The following CCDC169 variants were observed in gnomAD, a reference collection of about 807,000 sequenced individuals.
The protein encoded by CCDC169 is coiled-coil domain containing 169.
In CCDC169, 30 loss-of-function variants were observed where a neutral mutation model predicts 36.0. The ratio of observed to expected loss-of-function variants is 0.83; its 90% CI spans 0.62 to 1.13. The LOEUF is 1.13. CCDC169 is among the 50% of genes most tolerant of loss of function. CCDC169 has a pLI of 0.00. For synonymous variants in CCDC169, 85 were observed against 81.5 expected (o/e 1.04, Z -0.23); for missense variants, 245 against 245.9 (o/e 1.00, Z 0.03).
chr13:36,294,368 T>C (rs1267801851), intron 2 of CCDC169, among the ~76,000 whole-genome samples: 1 of 152,170 alleles, frequency 6.6e-6, no homozygotes, highest in Non-Finnish European at 1.5e-5. Context: ...ACTTGATAAG[T>C]ACACTGAGAG....
At chr13:36,250,882 A>G (rs1873064956) in intron 6 of CCDC169, among the ~76,000 whole-genome samples, 2 of 152,230 alleles carry the variant, frequency 1.3e-5, no homozygotes, top group Non-Finnish European at 2.9e-5. Context: ...GAACTTCCCG[A>G]TAATGAAACA....
chr13:36,246,721 T>C (rs978750), intron 7 of CCDC169, among the ~76,000 whole-genome samples: 61,379 of 151,814 alleles, frequency 0.4, 13,138 homozygotes, highest in Non-Finnish European at 0.48. Flanking sequence ...CTGATGAAGG[T>C]GATTACACTA....
At chr13:36,246,850 C>T (rs182354691) in intron 7 of CCDC169, among the ~76,000 whole-genome samples, 3 of 152,166 alleles carry the variant, frequency 2.0e-5, no homozygotes, top group Non-Finnish European at 2.9e-5. Context: ...TCTGGAGATA[C>T]CCCTATCTCA....
intron 2 of CCDC169, among the ~76,000 whole-genome samples, chr13:36,285,632 T>C (rs1168053627): frequency 1.4e-5 from 2 of 146,726 alleles, no homozygotes; most frequent in African/African-American, 4.9e-5. Flanking sequence ...CATAGATACA[T>C]AGATACATAG....
chr13:36,287,174 C>G (rs1055505258), intron 2 of CCDC169, among the ~76,000 whole-genome samples: 3 of 148,770 alleles, frequency 2.0e-5, no homozygotes, highest in Non-Finnish European at 4.5e-5. Flanking sequence ...CTTCCCTCTT[C>G]CCCTCTTTTC....
intron 7 of CCDC169, among the ~76,000 whole-genome samples, chr13:36,241,303 A>G (rs1871789059): frequency 6.6e-6 from 1 of 152,238 alleles, no homozygotes; most frequent in Non-Finnish European, 1.5e-5. Flanking sequence ...TCCATAAATT[A>G]TAATAAAGCA....
At chr13:36,280,682 C>A in intron 4 of CCDC169, 1 of 152,070 alleles carries the variant, frequency 6.6e-6, no homozygotes, top group Non-Finnish European at 1.5e-5. Flanking sequence ...TGTATGCATA[C>A]AAAAATTACT....
intron 4 of CCDC169, among the ~76,000 whole-genome samples, chr13:36,259,479 TTAAG>T (rs1478966621): frequency 2.0e-5 from 3 of 152,182 alleles, no homozygotes; most frequent in South Asian, 2.1e-4. Context: ...TGAAGCAGGC[TTAAG>T]TAAGTGGCTC....
chr13:36,283,686 G>A lies in CCDC169; in HGVS notation c.180C>T (p.Thr60=). ...TTAATTCAAGTTGTGTCTCATAACG[G>A]GTTTTCCATTCACTACCTGAGTAAA... is the stretch of plus-strand genomic sequence containing the variant. ...NTDNEGSEWK[T]RYETQLELND... Residue 60 remains threonine (T), a synonymous_variant, in exon 3 of 8, where the codon ACC becomes ACT. Transcript: ENST00000239859. The A allele has an allele frequency of 1.3e-6, 2 of 1,550,610 alleles. No homozygotes were observed. The highest frequency in any genetic ancestry group is 1.7e-6 in the Non-Finnish European group (2 of 1,146,704).
chr13:36,256,494 A>G (rs1371206954), intron 4 of CCDC169, among the ~76,000 whole-genome samples: 1 of 152,170 alleles, frequency 6.6e-6, no homozygotes, highest in African/African-American at 2.4e-5. Flanking sequence ...AACAGCATGG[A>G]GGAAACAGCC....
At chr13:36,290,161 C>T (rs566903128) in intron 2 of CCDC169, among the ~76,000 whole-genome samples, 34 of 152,148 alleles carry the variant, frequency 2.2e-4, no homozygotes, top group African/African-American at 7.7e-4. Context: ...CTAAGTTAAC[C>T]GAAGCCCCAT....
At chr13:36,283,739 C>T in intron 2 of CCDC169, 37 bp from the exon 3 acceptor site, 1 of 1,384,374 alleles carries the variant, frequency 7.2e-7, no homozygotes, top group Non-Finnish European at 1.0e-6. Flanking sequence ...AAGATCACCC[C>T]ACCACCTCTC....
At chr13:36,289,317 G>C (rs900462552) in intron 2 of CCDC169, among the ~76,000 whole-genome samples, 3 of 152,006 alleles carry the variant, frequency 2.0e-5, no homozygotes, top group African/African-American at 4.8e-5. Flanking sequence ...TTTTTCCTCT[G>C]GTTCCACTGT....
At chr13:36,253,767 A>C in intron 6 of CCDC169, 36 bp downstream of exon 6, 1 of 1,533,304 alleles carries the variant, frequency 6.5e-7, no homozygotes, top group Non-Finnish European at 8.8e-7. Flanking sequence ...TACAGTAAGA[A>C]GAAACACTTA....
intron 6 of CCDC169, among the ~76,000 whole-genome samples, chr13:36,253,206 T>C (rs1193368890): frequency 6.6e-6 from 1 of 152,238 alleles, no homozygotes; most frequent in African/African-American, 2.4e-5. Context: ...TGAAGTGCCT[T>C]GAATTTCATG....
At chr13:36,256,087 G>C (rs1354353742) in intron 4 of CCDC169, among the ~76,000 whole-genome samples, 1 of 152,092 alleles carries the variant, frequency 6.6e-6, no homozygotes, top group African/African-American at 2.4e-5. Context: ...CAATTTCTTG[G>C]CTGGGCAGCT....
chr13:36,223,397 T>G (rs140562843), downstream of CCDC169: 204 of 152,296 alleles, frequency 1.3e-3, 1 homozygote, highest in African/African-American at 4.6e-3. Flanking sequence ...GTTCTCCAGA[T>G]AGTAATATTT....
In CCDC169 at chr13:36,297,619, C is replaced by T; in HGVS notation, c.83+18G>A. 1 of 1,547,940 alleles carries T rather than the reference C, an allele frequency of 6.5e-7. No individual in the cohort carries two copies. Among genetic ancestry groups the T allele is most frequent in the African/African-American group, 1.4e-5 (1 of 73,158 alleles). ...GGGGTGTGGACGGGACCCCACACCGCGCCGCCCGCCGACTCACTTCTTGCG... is the reference window on the plus strand; with the variant it reads ...GGGGTGTGGACGGGACCCCACACCGTGCCGCCCGCCGACTCACTTCTTGCG... On this transcript the variant is annotated intron_variant, in intron 1 of 7. Transcript: ENST00000239859.
intron 6 of CCDC169, among the ~76,000 whole-genome samples, chr13:36,253,108 G>A (rs1044375017): frequency 2.0e-5 from 3 of 152,076 alleles, no homozygotes; most frequent in Non-Finnish European, 4.4e-5. Flanking sequence ...ATAATTTACT[G>A]ATCACCTCTT....
Sources: gnomAD v4.1 joint callset for allele counts (sites outside exome capture counted in the v4.1 genomes callset) on GRCh38, gnomAD v4.1.1 for gene constraint, MANE v1.5 for transcripts, NCBI Gene and HGNC (gene_info 2026-07-23, HGNC 2026-07-21) for gene names.